ZKSCAN1: variants seen among roughly 807,000 people sequenced by gnomAD.
ZKSCAN1 encodes the protein zinc finger with KRAB and SCAN domains 1.
A neutral mutation model predicts 51.6 loss-of-function variants in ZKSCAN1; 14 were observed. The ratio of observed to expected loss-of-function variants is 0.27; its 90% confidence interval spans 0.18 to 0.42. The LOEUF is 0.42. Among genes scored for constraint, ZKSCAN1 ranks in the 10% least tolerant of loss-of-function variants. ZKSCAN1 has a pLI of 1.00. For synonymous variants in ZKSCAN1, 263 were observed against 261.5 expected (o/e 1.01, Z -0.06); for missense variants, 531 against 710.0 (o/e 0.75, Z 2.86).
rs1348983591 is a variant in ZKSCAN1, at chr7:100,037,982, T to C, written c.*3785T>C. The C allele has an allele frequency of 1.0e-6, 1 of 976,298 alleles. No homozygotes were observed. The highest frequency in any genetic ancestry group is 1.2e-6 in the Non-Finnish European group (1 of 822,036). 60.5% of individuals were successfully genotyped at this position (976,298 alleles called of 1,614,324 possible). On this transcript the variant is annotated 3_prime_UTR_variant, in exon 6 of 6. Coordinates refer to ENST00000324306, the MANE Select transcript of ZKSCAN1 (RefSeq NM_003439.4). The stretch of plus-strand genomic sequence containing the variant: ...TTGCAGTGAGCTAAGATCATGCCAC[T>C]GGCACTCCAGCCTTGAGTGACAGAG...
chr7:100,025,046 G>A (rs1454042676), intron 3 of ZKSCAN1: 1 of 151,532 alleles, frequency 6.6e-6, no homozygotes. Context: ...CCAATCTCAG[G>A]AGTTAAATGT....
At chr7:100,024,853 T>C (rs1302073142) in intron 3 of ZKSCAN1, 1 of 136,344 alleles carries the variant, frequency 7.3e-6, no homozygotes, top group African/African-American at 2.8e-5. Context: ...TAAGCCGAGA[T>C]CGTACCACTG....
At position 100,038,571 on chromosome 7, in the gene ZKSCAN1, T is replaced by C. The variant is rs960329554; in HGVS notation, c.*4374T>C. On this transcript the variant is annotated 3_prime_UTR_variant, in exon 6 of 6. Transcript: ENST00000324306. ...CAAAGGGGATGGATTCTCTTGTCAG[T>C]AGACGGTCTTCTCCATGAAGCGAGA... The C allele has an allele frequency of 2.4e-5, 24 of 985,368 alleles. No individual in the cohort carries two copies. The highest frequency in any genetic ancestry group is 2.9e-5 in the Non-Finnish European group (24 of 829,958). 61.0% of individuals were successfully genotyped at this position (985,368 alleles called of 1,614,324 possible).
At position 100,041,374 on chromosome 7, in the gene ZKSCAN1, A is replaced by G; in HGVS notation, c.*7177A>G. 7.1e-6 allele frequency: 7 copies of G among 985,174 alleles called. No individual in the cohort carries two copies. The highest frequency in any genetic ancestry group is 8.4e-6 in the Non-Finnish European group (7 of 829,732). The allele number at this position is 985,174 out of a possible 1,614,324, so 61.0% of individuals were successfully genotyped here. A position where few individuals can be genotyped will look rare whatever the true frequency, so the allele number is the denominator to read the frequency against. ...TTAAAATCCTCCTTAACATTTCTAGAAAGACTTCTTTCAATAAATAATGGA... is the reference window on the plus strand; with the variant it reads ...TTAAAATCCTCCTTAACATTTCTAGGAAGACTTCTTTCAATAAATAATGGA... On this transcript the variant is annotated 3_prime_UTR_variant, in exon 6 of 6. Coordinates refer to ENST00000324306, the MANE Select transcript of ZKSCAN1 (RefSeq NM_003439.4).
At chr7:100,020,289 A>G (rs574129435) in intron 1 of ZKSCAN1, among the ~76,000 whole-genome samples, 25 of 152,292 alleles carry the variant, frequency 1.6e-4, no homozygotes, top group African/African-American at 5.8e-4. Context: ...CAAGGCATAT[A>G]TAGGAAATAC....
chr7:100,016,392 T>C (rs896861370), intron 1 of ZKSCAN1, among the ~76,000 whole-genome samples: 4 of 152,074 alleles, frequency 2.6e-5, no homozygotes, highest in African/African-American at 9.7e-5. Flanking sequence ...TCCGGGACGT[T>C]AGGTGGATTT....
intron 1 of ZKSCAN1, among the ~76,000 whole-genome samples, chr7:100,020,983 G>GTA (rs1790562673): frequency 4.6e-5 from 7 of 151,822 alleles, no homozygotes. Context: ...GAAATGCAGG[G>GTA]TATAGTCTTA....
In ZKSCAN1 at chr7:100,040,948, T is replaced by C. The variant is rs369418892; in HGVS notation, c.*6751T>C. 1.0e-4 allele frequency: 99 copies of C among 985,240 alleles called. No individual in the cohort carries two copies. The African/African-American group carries it at 1.6e-3, about 16-fold the overall frequency. 61.0% of individuals were successfully genotyped at this position (985,240 alleles called of 1,614,324 possible). On this transcript the variant is annotated 3_prime_UTR_variant, in exon 6 of 6. Transcript: ENST00000324306. ...GACAGGTTGTGGTTATGCAGGAAAATCTTGTCCTAAAAATATATGAGTTTG... is the reference window on the plus strand; with the variant it reads ...GACAGGTTGTGGTTATGCAGGAAAACCTTGTCCTAAAAATATATGAGTTTG...
chr7:100,023,705 A>C lies in ZKSCAN1; in HGVS notation c.199A>C (p.Thr67Pro), dbSNP rs1299113662. 6.2e-7 allele frequency: 1 copy of C among 1,614,182 alleles called. No homozygotes were observed. The highest frequency in any genetic ancestry group is 8.5e-7 in the Non-Finnish European group (1 of 1,180,026). ...CTTCAGGCGCTTCTGTTACCAGAAC[A>C]CTTTTGGGCCCCGAGAGGCTCTCAG... ...QRFRRFCYQNTFGPREALSRL... is the reference protein window; with the variant it reads ...QRFRRFCYQNPFGPREALSRL... Residue 67 changes from threonine to proline, a missense_variant, in exon 2 of 6, where the codon ACT becomes CCT. By Grantham distance (38) the Thr-to-Pro change is conservative. Around this residue, in one of 2 missense-constraint regions of ZKSCAN1, gnomAD observed 403 missense variants for 490.5 expected, o/e 0.82. Transcript: ENST00000324306.
intron 1 of ZKSCAN1, among the ~76,000 whole-genome samples, chr7:100,018,479 C>T (rs990680471): frequency 1.3e-4 from 19 of 151,658 alleles, no homozygotes; most frequent in Non-Finnish European, 1.5e-4. Context: ...ATCGCAGCCT[C>T]CCGGGTTCAC....
chr7:100,033,375 C>T lies in ZKSCAN1; in HGVS notation c.870C>T (p.Arg290=), dbSNP rs147965759. The change falls in exon 6 of 6, where the codon CGC becomes CGT. Residue 290 remains arginine, a synonymous_variant. Transcript: ENST00000324306. This position sits in a 1 kb window ranked among gnomAD's most constrained non-coding sequence, Gnocchi z 4.1. ...AAACCTCGGAAGATTCAGCATCACG[C>T]GGGGAGACAACAGGAAGATCCCAGA... ...KAETSEDSAS[R]GETTGRSQKE... 3.0e-5 allele frequency: 49 copies of T among 1,613,760 alleles called. 1 individual carries two copies. Among genetic ancestry groups the T allele is most frequent in the East Asian group, 1.6e-4 (7 of 44,874 alleles).
intron 3 of ZKSCAN1, 88 bp downstream of exon 3, chr7:100,024,395 T>C: frequency 1.3e-6 from 2 of 1,506,962 alleles, no homozygotes; most frequent in Non-Finnish European, 1.8e-6. Flanking sequence ...AAGAAGCATG[T>C]TAGTCCTGGG....
Position 100,039,287 on chromosome 7 carries a change from G to T in ZKSCAN1, c.*5090G>T. The T allele has an allele frequency of 2.0e-6, 2 of 979,896 alleles. No individual in the cohort carries two copies. Among genetic ancestry groups the T allele is most frequent in the Non-Finnish European group, 2.4e-6 (2 of 826,660 alleles). The allele number at this position is 979,896 out of a possible 1,614,324, so 60.7% of individuals were successfully genotyped here. ...AGATTGCACCACTGCACTCCAGCCT[G>T]GGTAACAGAGACTCTGTCTCAAAAA... On this transcript the variant is annotated 3_prime_UTR_variant, in exon 6 of 6. Transcript: ENST00000324306.
At chr7:100,026,610 C>T (rs1042907173) in intron 3 of ZKSCAN1, among the ~76,000 whole-genome samples, 5 of 151,766 alleles carry the variant, frequency 3.3e-5, no homozygotes, top group South Asian at 2.1e-4. Context: ...CCTGTAATTC[C>T]AGTTACTCAG....
intron 1 of ZKSCAN1, among the ~76,000 whole-genome samples, chr7:100,021,758 T>C (rs2115836063): frequency 6.6e-6 from 1 of 150,794 alleles, no homozygotes; most frequent in East Asian, 2.0e-4. Context: ...TTTTTTTTCC[T>C]TTTCCTGATA....
intron 3 of ZKSCAN1, among the ~76,000 whole-genome samples, chr7:100,026,890 C>T (rs2115879954): frequency 6.6e-6 from 1 of 151,944 alleles, no homozygotes; most frequent in South Asian, 2.1e-4. Flanking sequence ...TCCCCCTATT[C>T]TATAGGGGTT....
At chr7:100,031,184 A>G (rs1043921122) in intron 5 of ZKSCAN1, among the ~76,000 whole-genome samples, 1 of 151,578 alleles carries the variant, frequency 6.6e-6, no homozygotes, top group African/African-American at 2.4e-5. Context: ...AACATGAAGG[A>G]TGTTACTAAT....
In ZKSCAN1 at chr7:100,041,233, G is replaced by A. The variant is rs181399855; in HGVS notation, c.*7036G>A. 27 of 834,806 alleles carry A rather than the reference G, an allele frequency of 3.2e-5. No homozygotes were observed. The highest frequency in any genetic ancestry group is 3.5e-5 in the Non-Finnish European group (24 of 692,790). The allele number at this position is 834,806 out of a possible 1,614,324, so 51.7% of individuals were successfully genotyped here. ...GAAACGTGCTTGTCTCTGTATACCC[G>A]CAGAATGAAGTTACTGTTGTTAAAA... On this transcript the variant is annotated 3_prime_UTR_variant, in exon 6 of 6. Transcript: ENST00000324306.
intron 3 of ZKSCAN1, among the ~76,000 whole-genome samples, chr7:100,029,345 G>C (rs1255155959): frequency 6.6e-6 from 1 of 151,792 alleles, no homozygotes; most frequent in Non-Finnish European, 1.5e-5. Context: ...CTGCAGCCTC[G>C]ACCCCTTGAG....
Sources: allele counts gnomAD v4.1 joint callset (sites outside exome capture counted in the v4.1 genomes callset), GRCh38; gene constraint gnomAD v4.1.1; regional missense constraint gnomAD v4.1.1; non-coding constraint Gnocchi (gnomAD v3.1); transcripts MANE v1.5; gene names NCBI Gene and HGNC (gene_info 2026-07-23, HGNC 2026-07-21).